Variants in PPFIA1 observed in about 807,000 individuals in gnomAD.
The protein encoded by PPFIA1 is PPFI scaffold protein A1.
Under a neutral mutation model 149.9 loss-of-function variants are expected in PPFIA1, and 25 were observed. The ratio of observed to expected loss-of-function variants is 0.17; its 90% confidence interval spans 0.12 to 0.23. The LOEUF (loss-of-function observed/expected upper bound fraction) is 0.23, where lower values mean the gene tolerates loss of function less well. Among genes scored for constraint, PPFIA1 ranks in the 10% least tolerant of loss-of-function variants. PPFIA1 has a pLI of 1.00. For missense variants in PPFIA1, 1,362 were observed against 1,506.5 expected (o/e 0.90, Z 1.59); for synonymous variants, 549 against 552.8 (o/e 0.99, Z 0.10).
At chr11:70,340,234 G>C (rs2055241664) in intron 14 of PPFIA1, among the ~76,000 whole-genome samples, 1 of 151,984 alleles carries the variant, frequency 6.6e-6, no homozygotes, top group African/African-American at 2.4e-5. Context: ...TTGAGCCCAG[G>C]AGATTGAGAC....
rs555447937 is a variant in PPFIA1, at chr11:70,305,089, G to A, written c.265-19313G>A. The stretch of plus-strand genomic sequence containing the variant: ...TTTGTGAGTGACAGAGTGGCAGCCA[G>A]TGGCCTAGTGTCCCGCAGGCAGAGC... On this transcript the variant is annotated intron_variant, in intron 2 of 27. Coordinates refer to ENST00000253925, the MANE Select transcript of PPFIA1 (RefSeq NM_003626.5). Among the ~76,000 whole-genome samples the A allele has an allele frequency of 2.6e-5, 4 of 152,314 alleles. No individual in the cohort carries two copies. In the East Asian group the frequency reaches 7.7e-4, roughly 29 times the overall value.
chr11:70,333,012 G>A (rs2054760089), intron 9 of PPFIA1: 4 of 456,182 alleles, frequency 8.8e-6, no homozygotes, highest in African/African-American at 2.0e-5. Flanking sequence ...GTCCCTTGTC[G>A]GCTTTGTAGT....
chr11:70,329,902 T>G, intron 7 of PPFIA1: 2 of 348,816 alleles, frequency 5.7e-6, no homozygotes, highest in Non-Finnish European at 5.2e-6. Context: ...CATTCCATCC[T>G]AGGTGATAGA....
intron 14 of PPFIA1, among the ~76,000 whole-genome samples, chr11:70,339,993 C>A (rs7114200): frequency 0.14 from 21,019 of 151,930 alleles, 1,623 homozygotes; most frequent in Admixed American, 0.19. Flanking sequence ...GCCTGGGCTA[C>A]AAGAGTGAAA....
chr11:70,375,215 AG>A, intron 24 of PPFIA1, 122 bp downstream of exon 24: 1 of 282,722 alleles, frequency 3.5e-6, no homozygotes, highest in Non-Finnish European at 5.2e-6. Context: ...TCAGACAACT[AG>A]TTTTTGGTTT....
intron 2 of PPFIA1, among the ~76,000 whole-genome samples, chr11:70,307,259 T>C (rs1478307435): frequency 6.6e-6 from 1 of 152,240 alleles, no homozygotes; most frequent in Non-Finnish European, 1.5e-5. Context: ...ATGATGTATT[T>C]ACAAGGTTAT....
Position 70,326,354 on chromosome 11 carries a change from G to A in PPFIA1, c.699G>A (p.Thr233=), listed in dbSNP as rs376891820. 2.7e-5 allele frequency: 43 copies of A among 1,594,214 alleles called. No individual in the cohort carries two copies. The highest frequency in any genetic ancestry group is 2.6e-4 in the African/African-American group (19 of 74,216). ...INHEQENTPS[T]SGKRSSDGSL... ...ATGAACAAGAAAATACACCAAGCAC[G>A]AGTGGAAAGGCAAGTCTGTAGGCTT... Residue 233 remains threonine (T), a synonymous_variant, in exon 6 of 28, where the codon ACG becomes ACA. Coordinates refer to ENST00000253925, the MANE Select transcript of PPFIA1 (RefSeq NM_003626.5).
intron 14 of PPFIA1, among the ~76,000 whole-genome samples, chr11:70,342,333 G>A (rs1332197989): frequency 3.9e-5 from 6 of 152,154 alleles, no homozygotes; most frequent in Non-Finnish European, 8.8e-5. Flanking sequence ...CCATGAAATG[G>A]GAAGGTCGCC....
chr11:70,349,356 A>G (rs944695160), intron 16 of PPFIA1, among the ~76,000 whole-genome samples: 32 of 151,904 alleles, frequency 2.1e-4, no homozygotes, highest in African/African-American at 7.3e-4. Flanking sequence ...TGGGCCTGGC[A>G]TGGTATTTCA....
intron 8 of PPFIA1, 21 bp from the exon 9 acceptor site, chr11:70,331,939 T>G (rs1363691623): frequency 1.3e-6 from 2 of 1,592,414 alleles, no homozygotes; most frequent in South Asian, 2.3e-5. Flanking sequence ...TGCATTTTGA[T>G]GCTTTGCTCT....
chr11:70,353,985 G>A (rs970058730), intron 16 of PPFIA1, among the ~76,000 whole-genome samples: 1 of 152,214 alleles, frequency 6.6e-6, no homozygotes, highest in Admixed American at 6.5e-5. Flanking sequence ...TGCCCCTTCA[G>A]AGACTGTCCT....
At chr11:70,336,505 C>CAA (rs10640266) in intron 11 of PPFIA1, among the ~76,000 whole-genome samples, 58,170 of 122,760 alleles carry the variant, frequency 0.47, 13,375 homozygotes, top group African/African-American at 0.65. Context: ...GATCCTGTTT[C>CAA]AAAAAAAAAA....
At chr11:70,354,967 T>C (rs948646403) in intron 17 of PPFIA1, among the ~76,000 whole-genome samples, 1 of 152,100 alleles carries the variant, frequency 6.6e-6, no homozygotes, top group Non-Finnish European at 1.5e-5. Flanking sequence ...GATAGAGTCT[T>C]GCTCTGTTGC....
At chr11:70,284,185 A>G in intron 2 of PPFIA1, 1 of 413,324 alleles carries the variant, frequency 2.4e-6, no homozygotes, top group South Asian at 1.8e-5. Flanking sequence ...TTCCCTGAGA[A>G]TAAATACTAA....
intron 2 of PPFIA1, among the ~76,000 whole-genome samples, chr11:70,311,308 CA>C (rs879918332): frequency 2.1e-3 from 275 of 128,438 alleles, no homozygotes; most frequent in Non-Finnish European, 1.9e-3. Flanking sequence ...AACTCCATCT[CA>C]AAAAAAAAAA....
chr11:70,348,072 C>T (rs920148285), intron 15 of PPFIA1, 117 bp from the exon 16 acceptor site: 6 of 741,230 alleles, frequency 8.1e-6, no homozygotes, highest in Non-Finnish European at 1.3e-5. Context: ...ATTGTTTGAG[C>T]AGCTTATTAC....
Position 70,376,564 on chromosome 11 carries a change from C to G in PPFIA1, c.3348C>G (p.Asn1116Lys), listed in dbSNP as rs1261425875. 4 of 1,613,882 alleles carry G rather than the reference C, an allele frequency of 2.5e-6. No homozygotes were observed. Among genetic ancestry groups the G allele is most frequent in the Non-Finnish European group, 3.4e-6 (4 of 1,179,872 alleles). ...ARAVLEREFN[N>K]LLVMGTDRRF... is the part of the protein sequence containing the mutation. Reference sequence around the variant, plus strand: ...CTGTCTTGGAAAGAGAATTTAACAACCTTTTGGTCATGGGGACTGATAGAA... The same window carrying G: ...CTGTCTTGGAAAGAGAATTTAACAAGCTTTTGGTCATGGGGACTGATAGAA... Residue 1116 changes from asparagine (N) to lysine (K), a missense_variant, in exon 25 of 28, where the codon AAC becomes AAG. By Grantham distance (94) the Asn-to-Lys change is moderately conservative. Around this residue, in one of 7 missense-constraint regions of PPFIA1, gnomAD observed 349 missense variants for 373.3 expected, o/e 0.93. Transcript: ENST00000253925.
chr11:70,356,830 G>A (rs1460220442), intron 19 of PPFIA1, among the ~76,000 whole-genome samples: 1 of 152,186 alleles, frequency 6.6e-6, no homozygotes. Context: ...CGTAGATCGG[G>A]TAGTTTTATC....
intron 24 of PPFIA1, 88 bp downstream of exon 24, chr11:70,375,181 T>TAA (rs372735947): frequency 0.037 from 5,216 of 140,036 alleles, 4 homozygotes; most frequent in Non-Finnish European, 0.046. Context: ...AAAGAAACTT[T>TAA]AAAAAAAAAA....
Sources: gnomAD v4.1 joint callset for allele counts (sites outside exome capture counted in the v4.1 genomes callset) on GRCh38, gnomAD v4.1.1 for gene constraint, gnomAD v4.1.1 regional missense constraint, MANE v1.5 for transcripts, NCBI Gene and HGNC (gene_info 2026-07-23, HGNC 2026-07-21) for gene names.